Variants in TRIM51 observed in about 807,000 individuals in gnomAD.
TRIM51 encodes tripartite motif-containing protein 51.
In TRIM51, 23 loss-of-function variants were observed where a neutral mutation model predicts 32.7. The observed-to-expected ratio is 0.70, with a 90% CI of 0.51 to 1.00. TRIM51 has a LOEUF of 1.00. Among genes scored for constraint, TRIM51 ranks in the 50% least tolerant of loss-of-function variants. TRIM51 has a pLI of 0.00. For synonymous variants in TRIM51, 177 were observed against 181.9 expected, an observed-to-expected ratio of 0.97 and a Z score of 0.22; for missense variants, 592 against 539.2, an observed-to-expected ratio of 1.10 and a Z score of -0.97.
intron 3 of TRIM51, 49 bp downstream of exon 3, chr11:55,886,267 T>C (rs529182599): frequency 7.2e-7 from 1 of 1,397,968 alleles, no homozygotes; most frequent in African/African-American, 1.4e-5. Context: ...AGTGAACAAA[T>C]GGGTGACTCT....
chr11:55,890,259 A>G (rs914282710), intron 6 of TRIM51, among the ~76,000 whole-genome samples: 2 of 152,192 alleles, frequency 1.3e-5, no homozygotes, highest in African/African-American at 4.8e-5. Flanking sequence ...GCTCACATGG[A>G]TAGAGTTATA....
In TRIM51 at chr11:55,888,200, T is replaced by C. The variant is rs749728608; in HGVS notation, c.676T>C (p.Leu226=). The C allele has an allele frequency of 1.9e-6, 3 of 1,613,612 alleles. No homozygotes were observed. Among genetic ancestry groups the C allele is most frequent in the South Asian group, 1.1e-5 (1 of 91,074 alleles). Residue 226 remains leucine (L), a synonymous_variant, in exon 4 of 7, where the codon TTA becomes CTA. Coordinates refer to ENST00000449290, the MANE Select transcript of TRIM51 (RefSeq NM_032681.4). ...KARMEHSREL[L]RGMYEDLKQM... ...CAGAATGGAACATTCCAGGGAGCTT[T>C]TAAGAGGAATGTATGAGGATCTGAA...
At position 55,891,479 on chromosome 11, in the gene TRIM51, T is replaced by A; in HGVS notation, c.1206T>A (p.Val402=). ...FTTSPLVVQY[V]PRPTSTVGLF... ...CCTCCCCACTTGTGGTGCAATATGT[T>A]CCAAGACCTACCAGCACAGTAGGAT... The change falls in exon 7 of 7, where the codon GTT becomes GTA. Residue 402 remains valine (V), a synonymous_variant. Transcript: ENST00000449290. 6.2e-7 allele frequency: 1 copy of A among 1,613,400 alleles called. No individual in the cohort carries two copies. The highest frequency in any genetic ancestry group is 8.5e-7 in the Non-Finnish European group (1 of 1,179,758).
chr11:55,886,957 C>T (rs1405878737), intron 3 of TRIM51, among the ~76,000 whole-genome samples: 2 of 151,796 alleles, frequency 1.3e-5, no homozygotes, highest in African/African-American at 2.4e-5. Context: ...TAGCCTATGT[C>T]AAATATCAAC....
At chr11:55,887,144 G>T (rs1030833739) in intron 3 of TRIM51, among the ~76,000 whole-genome samples, 1 of 151,908 alleles carries the variant, frequency 6.6e-6, no homozygotes, top group African/African-American at 2.4e-5. Flanking sequence ...AGGGACTGGG[G>T]ATGAGGGTTT....
At chr11:55,888,368 A>G (rs1854604688) in intron 4 of TRIM51, 106 bp downstream of exon 4, 1 of 893,840 alleles carries the variant, frequency 1.1e-6, no homozygotes, top group Non-Finnish European at 1.8e-6. Context: ...ATTTGTTTCC[A>G]AAAACACGAT....
intron 1 of TRIM51, among the ~76,000 whole-genome samples, chr11:55,884,851 C>T (rs984594489): frequency 1.3e-5 from 2 of 151,778 alleles, no homozygotes; most frequent in African/African-American, 2.4e-5. Context: ...ATAAACCCAA[C>T]ATTTTTCATT....
chr11:55,886,271 T>C (rs1590632765), intron 3 of TRIM51, 53 bp downstream of exon 3: 2 of 1,388,054 alleles, frequency 1.4e-6, no homozygotes, highest in Non-Finnish European at 2.0e-6. Flanking sequence ...AACAAATGGG[T>C]GACTCTTAAA....
At chr11:55,884,955 T>G (rs1241128911) in intron 1 of TRIM51, among the ~76,000 whole-genome samples, 1 of 152,084 alleles carries the variant, frequency 6.6e-6, no homozygotes, top group Non-Finnish European at 1.5e-5. Flanking sequence ...TTGTTTTTGT[T>G]TTAAAGAGCC....
At chr11:55,888,508 A>T (rs1412670089) in intron 4 of TRIM51, among the ~76,000 whole-genome samples, 2 of 152,238 alleles carry the variant, frequency 1.3e-5, no homozygotes, top group Non-Finnish European at 2.9e-5. Flanking sequence ...GACAGCACCA[A>T]GAAATATTTC....
chr11:55,888,506 C>T (rs1854606966), intron 4 of TRIM51, among the ~76,000 whole-genome samples: 1 of 152,106 alleles, frequency 6.6e-6, no homozygotes, highest in Non-Finnish European at 1.5e-5. Context: ...CAGACAGCAC[C>T]AAGAAATATT....
In TRIM51 at chr11:55,891,550, A is replaced by C; in HGVS notation, c.1277A>C (p.Asp426Ala). The change falls in exon 7 of 7, where the codon GAT becomes GCT. Residue 426 changes from aspartate to alanine, a missense_variant. By Grantham distance (126) the Asp-to-Ala change is moderately radical. Coordinates refer to ENST00000449290, the MANE Select transcript of TRIM51 (RefSeq NM_032681.4). ...EGRTVSFVDV[D>A]QSSLIYTIPN... ...AGAACCGTGAGCTTTGTTGATGTTG[A>C]TCAAAGTTCCCTGATATACACCATC... 3 of 1,613,488 alleles carry C rather than the reference A, an allele frequency of 1.9e-6. No individual in the cohort carries two copies. Among genetic ancestry groups the C allele is most frequent in the Non-Finnish European group, 2.5e-6 (3 of 1,179,682 alleles).
chr11:55,885,780 T>C lies in TRIM51; in HGVS notation c.352T>C (p.Ser118Pro). The change falls in exon 2 of 7, where the codon TCT becomes CCT. Residue 118 changes from serine to proline, a missense_variant. Coordinates refer to ENST00000449290, the MANE Select transcript of TRIM51 (RefSeq NM_032681.4). ...CCTGCTCTGTTTGCCGTGCTCCAAC[T>C]CTCAGGAGCACCGGAATCACATACA... Reference protein sequence around the residue: ...KSLLCLPCSNSQEHRNHIHCP... With the variant: ...KSLLCLPCSNPQEHRNHIHCP... 1 of 1,611,770 alleles carries C rather than the reference T, an allele frequency of 6.2e-7. No individual in the cohort carries two copies. Among genetic ancestry groups the C allele is most frequent in the Non-Finnish European group, 8.5e-7 (1 of 1,179,716 alleles).
At chr11:55,886,851 T>C (rs1180191779) in intron 3 of TRIM51, among the ~76,000 whole-genome samples, 1 of 152,172 alleles carries the variant, frequency 6.6e-6, no homozygotes, top group Non-Finnish European at 1.5e-5. Context: ...GAAATGATTT[T>C]CTCTTTGTGG....
intron 1 of TRIM51, among the ~76,000 whole-genome samples, chr11:55,884,002 A>T (rs1854540857): frequency 6.6e-6 from 1 of 151,618 alleles, no homozygotes; most frequent in Non-Finnish European, 1.5e-5. Flanking sequence ...AAATATTTGC[A>T]ATTCTTAAAT....
chr11:55,885,535 G>T lies in TRIM51; in HGVS notation c.107G>T (p.Arg36Leu). Residue 36 changes from arginine (R) to leucine (L), a missense_variant, in exon 2 of 7, where the codon CGG becomes CTG. Physicochemically the swap from Arg to Leu is moderately radical, Grantham distance 102. Transcript: ENST00000449290. Reference protein sequence around the residue: ...VTIDCGHSFCRPCLYLNWQDT... With the variant: ...VTIDCGHSFCLPCLYLNWQDT... ...ATAGACTGTGGGCACAGCTTTTGCCGGCCCTGTTTGTACCTCAACTGGCAA... is the reference window on the plus strand; with the variant it reads ...ATAGACTGTGGGCACAGCTTTTGCCTGCCCTGTTTGTACCTCAACTGGCAA... 6.2e-7 allele frequency: 1 copy of T among 1,611,960 alleles called. No homozygotes were observed. Among genetic ancestry groups the T allele is most frequent in the Non-Finnish European group, 8.5e-7 (1 of 1,179,752 alleles).
chr11:55,887,079 A>T (rs1854586988), intron 3 of TRIM51, among the ~76,000 whole-genome samples: 1 of 152,022 alleles, frequency 6.6e-6, no homozygotes, highest in Non-Finnish European at 1.5e-5. Context: ...GTTAGAGTGT[A>T]GTAGTGTCTT....
rs774102043 is a variant in TRIM51 at position 55,891,287 on chromosome 11, T to C, written c.1014T>C (p.Ser338=). The C allele has an allele frequency of 6.2e-7, 1 of 1,610,748 alleles. No homozygotes were observed. The highest frequency in any genetic ancestry group is 8.5e-7 in the Non-Finnish European group (1 of 1,179,768). Reference sequence around the variant, plus strand: ...TATGGGGGGCTCAGGCTTTCACATCTGGCAAATATTATTGGGAGGTTCATA... The same window carrying C: ...TATGGGGGGCTCAGGCTTTCACATCCGGCAAATATTATTGGGAGGTTCATA... ...FLVWGAQAFT[S]GKYYWEVHMG... The change falls in exon 7 of 7, where the codon TCT becomes TCC. Residue 338 remains serine, a synonymous_variant. Transcript: ENST00000449290.
chr11:55,886,614 T>C (rs1182876699), intron 3 of TRIM51, among the ~76,000 whole-genome samples: 1 of 152,148 alleles, frequency 6.6e-6, no homozygotes, highest in Non-Finnish European at 1.5e-5. Flanking sequence ...GGTGGGCAAG[T>C]AGATTGAAAT....
Sources: allele counts gnomAD v4.1 joint callset (sites outside exome capture counted in the v4.1 genomes callset), GRCh38; gene constraint gnomAD v4.1.1; transcripts MANE v1.5; gene names NCBI Gene and HGNC (gene_info 2026-07-23, HGNC 2026-07-21).